Variants in CHL1 observed in about 807,000 individuals in gnomAD.
The protein encoded by CHL1 is neural cell adhesion molecule L1-like protein.
CHL1 carries 96 observed loss-of-function variants against 141.9 expected under a neutral mutation model. The observed-to-expected ratio is 0.68, with a 90% CI of 0.57 to 0.80. The LOEUF is 0.80. CHL1 is among the 30% of genes least tolerant of loss of function. The pLI is 0.00. For missense variants in CHL1, 1,820 were observed against 1,457.2 expected (o/e 1.25, Z -4.05); for synonymous variants, 613 against 502.2 (o/e 1.22, Z -2.95).
intron 13 of CHL1, among the ~76,000 whole-genome samples, chr3:362,344 G>C (rs1002208930): frequency 6.6e-6 from 1 of 152,056 alleles, no homozygotes; most frequent in Non-Finnish European, 1.5e-5. Flanking sequence ...GAATAATTTT[G>C]TCATTGGTCT....
intron 3 of CHL1, among the ~76,000 whole-genome samples, chr3:323,075 A>G (rs1464487590): frequency 6.6e-6 from 1 of 152,032 alleles, no homozygotes; most frequent in African/African-American, 2.4e-5. Context: ...TCTTAATTGC[A>G]TCATTGCTTG....
At chr3:364,661 G>A (rs1432481607) in intron 14 of CHL1, among the ~76,000 whole-genome samples, 1 of 152,050 alleles carries the variant, frequency 6.6e-6, no homozygotes, top group Non-Finnish European at 1.5e-5. Context: ...TATACAAAAG[G>A]CATGTTGAGA....
At position 366,111 on chromosome 3, in the gene CHL1, G is replaced by A. The variant is rs1349970453; in HGVS notation, c.1747G>A (p.Gly583Ser). 5.6e-6 allele frequency: 9 copies of A among 1,612,666 alleles called. No homozygotes were observed. The African/African-American group carries it at 8.0e-5, about 14-fold the overall frequency. The change falls in exon 15 of 28, where the codon GGC (glycine) becomes AGC (serine). Residue 583 changes from glycine (G) to serine (S), a missense_variant. Transcript: ENST00000256509. ...EAFEINGTED[G>S]RIIIDGANLT... is the part of the protein sequence containing the mutation. ...CTTTGAAATTAATGGCACAGAAGATGGCAGGTAGGTAAACTATTATGATAT... is the reference window on the plus strand; with the variant it reads ...CTTTGAAATTAATGGCACAGAAGATAGCAGGTAGGTAAACTATTATGATAT...
chr3:337,775 C>T (rs1702022628), intron 5 of CHL1, among the ~76,000 whole-genome samples: 1 of 151,962 alleles, frequency 6.6e-6, no homozygotes, highest in Non-Finnish European at 1.5e-5. Context: ...TTGTTGGTTC[C>T]AGGACATTTG....
intron 1 of CHL1, among the ~76,000 whole-genome samples, chr3:242,155 G>GA (rs1201605164): frequency 6.6e-6 from 1 of 151,966 alleles, no homozygotes; most frequent in Non-Finnish European, 1.5e-5. Context: ...AAAATGAGAT[G>GA]AAAAACCATA....
chr3:250,262 A>G (rs1001465775), intron 2 of CHL1, among the ~76,000 whole-genome samples: 7 of 152,198 alleles, frequency 4.6e-5, no homozygotes, highest in African/African-American at 1.7e-4. Flanking sequence ...TTTATTTGAT[A>G]TTAGTAATTT....
chr3:392,596 C>G (rs188348414), intron 23 of CHL1, among the ~76,000 whole-genome samples: 146 of 152,254 alleles, frequency 9.6e-4, no homozygotes, highest in South Asian at 3.1e-3. Context: ...TATCAACAAC[C>G]CATCATGAAA....
At chr3:337,728 G>A (rs1287464286) in intron 5 of CHL1, among the ~76,000 whole-genome samples, 1 of 152,136 alleles carries the variant, frequency 6.6e-6, no homozygotes, top group Non-Finnish European at 1.5e-5. Context: ...GTATTCCATG[G>A]TGTATATGTG....
rs575474489 is a variant in CHL1 at position 258,182 on chromosome 3, G to T, written c.-95+13490G>T. Among the ~76,000 whole-genome samples the T allele has an allele frequency of 3.3e-5, 5 of 152,316 alleles. No homozygotes were observed. The East Asian group carries it at 9.6e-4, about 29-fold the overall frequency. On this transcript the variant is annotated intron_variant, in intron 2 of 27. Coordinates refer to ENST00000256509, the MANE Select transcript of CHL1 (RefSeq NM_006614.4). ...CCCATGGCTGTCTGTCCAGGCAGAAGCAACATGACCTCTGGTTTGAAAGGC... is the reference window on the plus strand; with the variant it reads ...CCCATGGCTGTCTGTCCAGGCAGAATCAACATGACCTCTGGTTTGAAAGGC...
intron 2 of CHL1, among the ~76,000 whole-genome samples, chr3:281,559 CTTTTT>C (rs71619446): frequency 1.5e-5 from 2 of 135,318 alleles, no homozygotes; most frequent in Admixed American, 7.4e-5. Context: ...CAATTTGTAC[CTTTTT>C]TTTTTTTTTT....
intron 2 of CHL1, among the ~76,000 whole-genome samples, chr3:258,291 G>C (rs980018549): frequency 1.3e-5 from 2 of 152,190 alleles, no homozygotes; most frequent in African/African-American, 4.8e-5. Context: ...ATGTGTTATA[G>C]GTTGTTTCAG....
chr3:289,576 G>C (rs1276704687), intron 2 of CHL1, among the ~76,000 whole-genome samples: 1 of 152,058 alleles, frequency 6.6e-6, no homozygotes, highest in Non-Finnish European at 1.5e-5. Flanking sequence ...AGGTAAATAA[G>C]AGCTTGGTTC....
intron 2 of CHL1, 87 bp from the exon 3 acceptor site, chr3:319,591 CAAAAA>C (rs35995557): frequency 2.7e-3 from 829 of 303,086 alleles, no homozygotes; most frequent in South Asian, 3.4e-3. Context: ...ACTGCCAAAC[CAAAAA>C]AAAAAAAAAA....
At chr3:205,676 T>C (rs1322563489) in intron 1 of CHL1, among the ~76,000 whole-genome samples, 4 of 152,198 alleles carry the variant, frequency 2.6e-5, no homozygotes, top group African/African-American at 9.6e-5. Context: ...CACGTGTATG[T>C]GTGGGTCCTA....
In CHL1 at chr3:389,323, A is replaced by G. The variant is rs1708037392; in HGVS notation, c.2319A>G (p.Pro773=). Reference sequence around the variant, plus strand: ...TGACCTGGAAGCCACAGGGAGCCCCAGTGGAGTGGGAAGAAGAAACAGTCA... The same window carrying G: ...TGACCTGGAAGCCACAGGGAGCCCCGGTGGAGTGGGAAGAAGAAACAGTCA... ...YRVTWKPQGA[P]VEWEEETVTN... is the part of the protein sequence containing the mutation. Residue 773 remains proline (P), a synonymous_variant, in exon 20 of 28, where the codon CCA becomes CCG. Coordinates refer to ENST00000256509, the MANE Select transcript of CHL1 (RefSeq NM_006614.4). The G allele has an allele frequency of 6.2e-7, 1 of 1,613,990 alleles. No homozygotes were observed. The highest frequency in any genetic ancestry group is 8.5e-7 in the Non-Finnish European group (1 of 1,179,982).
At position 405,804 on chromosome 3, in the gene CHL1, A is replaced by G. The variant is rs1210014171; in HGVS notation, c.*93A>G. 2.4e-6 allele frequency: 2 copies of G among 840,854 alleles called. No homozygotes were observed. The highest frequency in any genetic ancestry group is 1.9e-6 in the Non-Finnish European group (1 of 526,350). 52.1% of individuals were successfully genotyped at this position (840,854 alleles called of 1,614,324 possible). A position where few individuals can be genotyped will look rare whatever the true frequency, so the allele number is the denominator to read the frequency against. ...AGAACTTTCATATAGGAATAGAAAC[A>G]TGCTGGCCGAAGATTTCATCCAGAA... On this transcript the variant is annotated 3_prime_UTR_variant, in exon 28 of 28. Transcript: ENST00000256509.
rs1056080004 is a variant in CHL1 at position 406,577 on chromosome 3, A to G, written c.*866A>G. On this transcript the variant is annotated 3_prime_UTR_variant, in exon 28 of 28. Coordinates refer to ENST00000256509, the MANE Select transcript of CHL1 (RefSeq NM_006614.4). ...CTTTTTCTCATGTTTATATAATGGT[A>G]TGCTTGCATATATTTCATGAATACA... 6.6e-6 allele frequency: 1 copy of G among 152,116 alleles called. No homozygotes were observed. The highest frequency in any genetic ancestry group is 1.5e-5 in the Non-Finnish European group (1 of 68,016). 9.4% of individuals were successfully genotyped at this position (152,116 alleles called of 1,614,324 possible). A position where few individuals can be genotyped will look rare whatever the true frequency, so the allele number is the denominator to read the frequency against.
intron 2 of CHL1, among the ~76,000 whole-genome samples, chr3:276,602 C>T (rs1255095816): frequency 6.6e-6 from 1 of 151,974 alleles, no homozygotes; most frequent in South Asian, 2.1e-4. Context: ...AGAGTATGGG[C>T]TCTGGGGCTG....
intron 2 of CHL1, among the ~76,000 whole-genome samples, chr3:260,253 A>G (rs1477727963): frequency 6.6e-6 from 1 of 152,088 alleles, no homozygotes; most frequent in Non-Finnish European, 1.5e-5. Context: ...GACAGAGTGA[A>G]ACTCTGTCTC....
Sources: allele counts gnomAD v4.1 joint callset (sites outside exome capture counted in the v4.1 genomes callset), GRCh38; gene constraint gnomAD v4.1.1; transcripts MANE v1.5; gene names NCBI Gene and HGNC (gene_info 2026-07-23, HGNC 2026-07-21).